The following MTUS1 variants were observed in gnomAD, a reference collection of about 807,000 sequenced individuals.
The protein encoded by MTUS1 is microtubule-associated tumor suppressor 1.
MTUS1 carries 109 observed loss-of-function variants against 120.8 expected under a neutral mutation model. The ratio of observed to expected loss-of-function variants is 0.90; its 90% CI spans 0.77 to 1.06. MTUS1 has a LOEUF of 1.06. Ranked by LOEUF, MTUS1 falls within the 50% of genes least tolerant of loss-of-function variation. The pLI is 0.00. For missense variants in MTUS1, 2,210 were observed against 1,486.3 expected (o/e 1.49, Z -8.01); for synonymous variants, 737 against 550.5 (o/e 1.34, Z -4.74).
chr8:17,652,840 A>G (rs1280245188), intron 12 of MTUS1, among the ~76,000 whole-genome samples: 1 of 151,696 alleles, frequency 6.6e-6, no homozygotes, highest in Non-Finnish European at 1.5e-5. Context: ...CCTCTCAAAA[A>G]AAAAAAAAGA....
At chr8:17,742,244 C>T (rs1224806365) in intron 3 of MTUS1, among the ~76,000 whole-genome samples, 2 of 149,274 alleles carry the variant, frequency 1.3e-5, no homozygotes, top group African/African-American at 2.5e-5. Flanking sequence ...TACAAGGGCA[C>T]ACCATCATGC....
At chr8:17,749,669 A>AAG (rs1554520215) in intron 2 of MTUS1, among the ~76,000 whole-genome samples, 9 of 151,148 alleles carry the variant, frequency 6.0e-5, no homozygotes, top group African/African-American at 1.7e-4. Context: ...CAAAAAAAAA[A>AAG]AAAAAAAAAG....
chr8:17,703,023 T>C (rs541134844), intron 6 of MTUS1, among the ~76,000 whole-genome samples: 4 of 152,332 alleles, frequency 2.6e-5, no homozygotes, highest in African/African-American at 9.6e-5. Context: ...CCTGTGATGA[T>C]TGCATTAACT....
intron 2 of MTUS1, among the ~76,000 whole-genome samples, chr8:17,749,689 G>GA (rs2048040897): frequency 6.7e-6 from 1 of 149,440 alleles, no homozygotes. Flanking sequence ...GAAAGAAAAA[G>GA]AAAGAAAATC....
intron 8 of MTUS1, among the ~76,000 whole-genome samples, chr8:17,674,220 G>C (rs1188491476): frequency 6.6e-6 from 1 of 152,070 alleles, no homozygotes; most frequent in Non-Finnish European, 1.5e-5. Context: ...AAGAGATGGA[G>C]ACCCTCCTGG....
chr8:17,755,757 G>C lies in MTUS1; in HGVS notation c.51C>G (p.Phe17Leu). The C allele has an allele frequency of 6.2e-7, 1 of 1,613,972 alleles. No homozygotes were observed. The highest frequency in any genetic ancestry group is 8.5e-7 in the Non-Finnish European group (1 of 1,179,942). ...DDKIEDELQT[F>L]FTSDKDGNTH... Reference sequence around the variant, plus strand: ...TATTTCCATCTTTATCACTGGTAAAGAAGGTTTGCAATTCATCTTCTATTT... The same window carrying C: ...TATTTCCATCTTTATCACTGGTAAACAAGGTTTGCAATTCATCTTCTATTT... The change falls in exon 2 of 15, where the codon TTC becomes TTG. Residue 17 changes from phenylalanine to leucine, a missense_variant. Transcript: ENST00000693296.
In MTUS1 at chr8:17,755,460, A is replaced by G. The variant is rs202238258; in HGVS notation, c.348T>C (p.Tyr116=). 1 of 1,614,192 alleles carries G rather than the reference A, an allele frequency of 6.2e-7. No individual in the cohort carries two copies. The highest frequency in any genetic ancestry group is 1.3e-5 in the African/African-American group (1 of 75,064). The change falls in exon 2 of 15, where the codon TAT becomes TAC. Residue 116 remains tyrosine, a synonymous_variant. Transcript: ENST00000693296. ...CTAGGGAATGACAACTGTGTTGCAG[A>G]TATTTGGGCTTCTCAGTACCTACAA... ...PALVGTEKPK[Y]LQHSCHSLEA... is the part of the protein sequence containing the mutation.
chr8:17,748,016 C>G (rs1222037676), intron 2 of MTUS1: 1 of 152,146 alleles, frequency 6.6e-6, no homozygotes. Context: ...TTATTCAATT[C>G]CCTCCCACTG....
intron 1 of MTUS1, chr8:17,770,711 T>C (rs926445748): frequency 3.3e-5 from 5 of 152,220 alleles, no homozygotes; most frequent in African/African-American, 1.2e-4. Flanking sequence ...AACTAAAGAA[T>C]TTTCCTTGGA....
At chr8:17,682,737 T>C (rs35244208) in intron 7 of MTUS1, among the ~76,000 whole-genome samples, 93,304 of 151,790 alleles carry the variant, frequency 0.61, 28,811 homozygotes, top group East Asian at 0.72. Flanking sequence ...AATAAAATAA[T>C]TGGTTTATTT....
At chr8:17,681,840 C>T (rs940656962) in intron 7 of MTUS1, among the ~76,000 whole-genome samples, 9 of 135,586 alleles carry the variant, frequency 6.6e-5, no homozygotes, top group Non-Finnish European at 1.0e-4. Flanking sequence ...CTAGTAGCCA[C>T]GCTGAGAAAA....
In MTUS1 at chr8:17,713,219, T is replaced by C. The variant is rs1306335925; in HGVS notation, c.2618A>G (p.Asn873Ser). 6.3e-7 allele frequency: 1 copy of C among 1,597,950 alleles called. No homozygotes were observed. The highest frequency in any genetic ancestry group is 1.7e-5 in the Admixed American group (1 of 59,166). The change falls in exon 6 of 15, where the codon AAT becomes AGT. Residue 873 changes from asparagine (N) to serine (S), a missense_variant. Physicochemically the swap from Asn to Ser is conservative, Grantham distance 46. Coordinates refer to ENST00000693296, the MANE Select transcript of MTUS1 (RefSeq NM_001363059.2). ...PSRKNLFTALNAVEKSRQKNP... is the reference protein window; with the variant it reads ...PSRKNLFTALSAVEKSRQKNP... The stretch of plus-strand genomic sequence containing the variant: ...TCCATAAAGTGGTCACTCACCTGCA[T>C]TAAGAGCTGTAAATAAATTTTTTCT...
chr8:17,661,478 T>C (rs1809677832), intron 8 of MTUS1, among the ~76,000 whole-genome samples: 1 of 152,324 alleles, frequency 6.6e-6, no homozygotes, highest in East Asian at 1.9e-4. Flanking sequence ...GCTTCGAAGC[T>C]GACGTTAATA....
intron 3 of MTUS1, among the ~76,000 whole-genome samples, chr8:17,728,887 A>G (rs1341041224): frequency 1.3e-5 from 2 of 152,208 alleles, no homozygotes; most frequent in East Asian, 3.8e-4. Flanking sequence ...GGAAAAAGAT[A>G]GGAAGCTAGT....
In MTUS1 at chr8:17,654,317, C is replaced by CT. The variant is rs1415525052; in HGVS notation, c.3214+243dup. On this transcript the variant is annotated intron_variant, in intron 10 of 14. Transcript: ENST00000693296. The stretch of plus-strand genomic sequence containing the variant: ...TGGCAACCACCACCGCCAAAATGGC[C>CT]TTTACAGTCTTCCAAAGCCCATCCT... The CT allele has an allele frequency of 5.8e-6, 3 of 520,676 alleles. No individual in the cohort carries two copies. In the East Asian group the frequency reaches 9.5e-5, roughly 16 times the overall value. The allele number at this position is 520,676 out of a possible 1,614,324, so 32.3% of individuals were successfully genotyped here.
chr8:17,657,385 G>T (rs1314502647), intron 8 of MTUS1, among the ~76,000 whole-genome samples: 2 of 151,208 alleles, frequency 1.3e-5, no homozygotes, highest in African/African-American at 2.4e-5. Context: ...CGGCTAAAAC[G>T]GTGAAACCCC....
At chr8:17,781,261 A>T (rs576381307) in intron 1 of MTUS1, among the ~76,000 whole-genome samples, 1 of 152,234 alleles carries the variant, frequency 6.6e-6, no homozygotes, top group East Asian at 1.9e-4. Flanking sequence ...ATTTTGTCTG[A>T]ATTTCCAATC....
At chr8:17,720,108 G>C (rs2045711358) in intron 4 of MTUS1, among the ~76,000 whole-genome samples, 1 of 152,166 alleles carries the variant, frequency 6.6e-6, no homozygotes, top group Non-Finnish European at 1.5e-5. Flanking sequence ...ACTCTGGGAG[G>C]CAGACGCAGG....
At chr8:17,650,725 C>G (rs1453164767) in intron 12 of MTUS1, among the ~76,000 whole-genome samples, 1 of 152,144 alleles carries the variant, frequency 6.6e-6, no homozygotes, top group Non-Finnish European at 1.5e-5. Flanking sequence ...CAAAACTCTC[C>G]AAAATAAATG....
Sources: gnomAD v4.1 joint callset for allele counts (sites outside exome capture counted in the v4.1 genomes callset) on GRCh38, gnomAD v4.1.1 for gene constraint, MANE v1.5 for transcripts, NCBI Gene and HGNC (gene_info 2026-07-23, HGNC 2026-07-21) for gene names.